SPEN: variants seen among roughly 807,000 people sequenced by gnomAD.
SPEN encodes msx2-interacting protein.
In SPEN, 18 loss-of-function variants were observed where a neutral mutation model predicts 269.9. The observed-to-expected ratio is 0.07, with a 90% CI of 0.05 to 0.10. The LOEUF (loss-of-function observed/expected upper bound fraction) is 0.10, where lower values mean the gene tolerates loss of function less well. Ranked by LOEUF, SPEN falls within the 10% of genes least tolerant of loss-of-function variation. The probability of loss-of-function intolerance (pLI) is 1.00; values close to 1 mark genes in which losing one functional copy is unlikely to be tolerated. For synonymous variants in SPEN, 1,726 were observed against 1,765.7 expected (o/e 0.98, Z 0.56); for missense variants, 3,822 against 4,631.2 (o/e 0.83, Z 5.07).
chr1:15,848,064 C>T lies in SPEN; in HGVS notation c.-4C>T. On this transcript the variant is annotated 5_prime_UTR_variant, in exon 1 of 15. An upstream open reading frame in the 5' UTR gains an earlier in-frame stop. Coordinates refer to ENST00000375759, the MANE Select transcript of SPEN (RefSeq NM_015001.3). The surrounding 1 kb of genome is among the most constrained non-coding windows in gnomAD (Gnocchi z 5.1). ...CAGCGGCGGTCGCCGGCACGCCGCC[C>T]AGCATGGTCCGGGAAACCAGGCATC... 3.5e-6 allele frequency: 5 copies of T among 1,448,610 alleles called. No individual in the cohort carries two copies. The highest frequency in any genetic ancestry group is 4.6e-6 in the Non-Finnish European group (5 of 1,086,744). 89.7% of individuals were successfully genotyped at this position (1,448,610 alleles called of 1,614,324 possible).
intron 1 of SPEN, among the ~76,000 whole-genome samples, chr1:15,871,709 A>T (rs150096510): frequency 6.6e-6 from 1 of 152,218 alleles, no homozygotes; most frequent in Non-Finnish European, 1.5e-5. Context: ...GTCACTTGCA[A>T]ATGGACACAA....
chr1:15,887,856 A>G (rs1444500362), intron 3 of SPEN, among the ~76,000 whole-genome samples: 1 of 150,784 alleles, frequency 6.6e-6, no homozygotes, highest in Non-Finnish European at 1.5e-5. Context: ...ACCAGTCTCT[A>G]CGAAAAAAAT....
At position 15,893,055 on chromosome 1, in the gene SPEN, G is replaced by A. The variant is rs191592321; in HGVS notation, c.882-16266G>A. Among the ~76,000 whole-genome samples, 986 of 152,244 alleles carry A rather than the reference G, an allele frequency of 6.5e-3. 8 individuals are homozygous for A. Among genetic ancestry groups the A allele is most frequent in the Middle Eastern group, 0.02 (6 of 294 alleles). ...GGAGGTTGCAGTGAGCTGAGATTGC[G>A]CCATTGCACTCCAGCCTGGGCAACA... is the stretch of plus-strand genomic sequence containing the variant. On this transcript the variant is annotated intron_variant, in intron 3 of 14. Transcript: ENST00000375759.
intron 3 of SPEN, among the ~76,000 whole-genome samples, chr1:15,903,774 C>G (rs1423956344): frequency 2.0e-5 from 3 of 152,198 alleles, no homozygotes; most frequent in African/African-American, 7.2e-5. Context: ...GGACTATGCA[C>G]TGTGCCCGGC....
At position 15,932,454 on chromosome 1, in the gene SPEN, A is replaced by C; in HGVS notation, c.6214A>C (p.Asn2072His). The change falls in exon 11 of 15, where the codon AAC (asparagine) becomes CAC (histidine). Residue 2072 changes from asparagine to histidine, a missense_variant. Transcript: ENST00000375759. The surrounding 1 kb of genome is among the most constrained non-coding windows in gnomAD (Gnocchi z 4.2). ...VVEKKPAPEKNSKSKRGRSRN... is the reference protein window; with the variant it reads ...VVEKKPAPEKHSKSKRGRSRN... ...AGAGAAAAAACCGGCCCCTGAAAAA[A>C]ACTCCAAATCAAAGAGAGGAAGATC... The C allele has an allele frequency of 6.2e-7, 1 of 1,612,974 alleles. No homozygotes were observed. The highest frequency in any genetic ancestry group is 8.5e-7 in the Non-Finnish European group (1 of 1,179,672).
chr1:15,855,227 A>AGATGCTGT (rs2070373776), intron 1 of SPEN, among the ~76,000 whole-genome samples: 1 of 152,170 alleles, frequency 6.6e-6, no homozygotes, highest in Non-Finnish European at 1.5e-5. Flanking sequence ...TCTTTGTATT[A>AGATGCTGT]GATGCTGTTT....
chr1:15,893,366 G>T (rs954664090), intron 3 of SPEN, among the ~76,000 whole-genome samples: 1 of 152,116 alleles, frequency 6.6e-6, no homozygotes, highest in Non-Finnish European at 1.5e-5. Flanking sequence ...TCCTGAATAT[G>T]CTGTGTCATG....
intron 1 of SPEN, among the ~76,000 whole-genome samples, 189 bp from the exon 2 acceptor site, chr1:15,872,627 A>G (rs1451713016): frequency 6.6e-6 from 1 of 151,984 alleles, no homozygotes; most frequent in African/African-American, 2.4e-5. Flanking sequence ...AAATGAGAGT[A>G]ATGTAATAAT....
In SPEN at chr1:15,937,675, G is replaced by A. The variant is rs1480335968; in HGVS notation, c.10509+30G>A. On this transcript the variant is annotated intron_variant, in intron 12 of 14. Transcript: ENST00000375759. This position sits in a 1 kb window ranked among gnomAD's most constrained non-coding sequence, Gnocchi z 5.7. ...GCATGAGCAGGGGCTGCCCTTCCTG[G>A]CCCCCAAGTTTTATGCCATGTCAAA... 14 of 1,607,204 alleles carry A rather than the reference G, an allele frequency of 8.7e-6. No individual in the cohort carries two copies. The highest frequency in any genetic ancestry group is 1.3e-5 in the African/African-American group (1 of 74,632).
At chr1:15,855,788 A>T (rs1191249889) in intron 1 of SPEN, among the ~76,000 whole-genome samples, 1 of 151,336 alleles carries the variant, frequency 6.6e-6, no homozygotes, top group Non-Finnish European at 1.5e-5. Context: ...GCTTGAACCC[A>T]GGAGGTGGAG....
In SPEN at chr1:15,939,467, C is replaced by T. The variant is rs1440707633; in HGVS notation, c.*40C>T. ...ATCACCTCAGTGAATCTTCCCAGGG[C>T]TCTGCAGTAAAAACAAAGGACAACC... On this transcript the variant is annotated 3_prime_UTR_variant, in exon 15 of 15. Transcript: ENST00000375759. This position sits in a 1 kb window ranked among gnomAD's most constrained non-coding sequence, Gnocchi z 4.1. 3.3e-6 allele frequency: 5 copies of T among 1,506,266 alleles called. No homozygotes were observed. Among genetic ancestry groups the T allele is most frequent in the Non-Finnish European group, 2.7e-6 (3 of 1,122,422 alleles). 93.3% of individuals were successfully genotyped at this position (1,506,266 alleles called of 1,614,324 possible).
chr1:15,911,501 A>G (rs1305776251), intron 5 of SPEN, among the ~76,000 whole-genome samples, 200 bp downstream of exon 5: 1 of 152,158 alleles, frequency 6.6e-6, no homozygotes, highest in East Asian at 1.9e-4. Context: ...GTTAGGGAGG[A>G]TAGATTTTTC....
chr1:15,893,743 C>A (rs1026821414), intron 3 of SPEN, among the ~76,000 whole-genome samples: 1 of 149,784 alleles, frequency 6.7e-6, no homozygotes, highest in Non-Finnish European at 1.5e-5. Flanking sequence ...TAAAAAAAAA[C>A]AAAAAAAAGC....
Position 15,932,308 on chromosome 1 carries a change from T to G in SPEN, c.6068T>G (p.Val2023Gly), listed in dbSNP as rs773205584. Reference sequence around the variant, plus strand: ...ACTGAGGTGGGCCCCCAAATAGGCGTGAAAGAGAGCTCCATGGAACCCAAG... The same window carrying G: ...ACTGAGGTGGGCCCCCAAATAGGCGGGAAAGAGAGCTCCATGGAACCCAAG... ...ATTEVGPQIG[V>G]KESSMEPKAA... Residue 2023 changes from valine (V) to glycine (G), a missense_variant, in exon 11 of 15, where the codon GTG (valine) becomes GGG (glycine). Transcript: ENST00000375759. The surrounding 1 kb of genome is among the most constrained non-coding windows in gnomAD (Gnocchi z 4.2). 1 of 1,608,854 alleles carries G rather than the reference T, an allele frequency of 6.2e-7. No homozygotes were observed. The highest frequency in any genetic ancestry group is 1.7e-5 in the Admixed American group (1 of 58,806).
chr1:15,851,905 C>T (rs1394049401), intron 1 of SPEN, among the ~76,000 whole-genome samples: 2 of 152,094 alleles, frequency 1.3e-5, no homozygotes, highest in Admixed American at 1.3e-4. Context: ...ATTGCTTGAA[C>T]CTGGGAGGCG....
intron 2 of SPEN, chr1:15,873,694 GAGAGAAGGCA>G: frequency 1.0e-6 from 1 of 1,000,032 alleles, no homozygotes; most frequent in Non-Finnish European, 1.2e-6. Context: ...GGATGAAGAA[GAGAGAAGGCA>G]ATGCCTGATT....
chr1:15,923,037 C>A (rs749363334), intron 10 of SPEN, among the ~76,000 whole-genome samples: 3 of 152,038 alleles, frequency 2.0e-5, no homozygotes, highest in Non-Finnish European at 4.4e-5. Flanking sequence ...TTAGTAATGA[C>A]AACAACCAGG....
chr1:15,879,775 A>G (rs778602243), intron 3 of SPEN, among the ~76,000 whole-genome samples: 1 of 151,540 alleles, frequency 6.6e-6, no homozygotes, highest in Non-Finnish European at 1.5e-5. Flanking sequence ...GGTTCACGCC[A>G]TTCTTCTGCC....
At position 15,847,859 on chromosome 1, in the gene SPEN, A is replaced by G. The variant is rs879015615; in HGVS notation, c.-209A>G. 7 of 266,532 alleles carry G rather than the reference A, an allele frequency of 2.6e-5. No homozygotes were observed. The South Asian group carries it at 5.9e-4, about 23-fold the overall frequency. 16.5% of individuals were successfully genotyped at this position (266,532 alleles called of 1,614,324 possible). ...TCGGCTTCGGGTGTGTGGTGGCGGC[A>G]GAGCTGAGCTGCGAGGCCCGAGAGT... On this transcript the variant is annotated 5_prime_UTR_variant, in exon 1 of 15. Transcript: ENST00000375759.
Sources: allele counts gnomAD v4.1 joint callset (sites outside exome capture counted in the v4.1 genomes callset), GRCh38; gene constraint gnomAD v4.1.1; non-coding constraint Gnocchi (gnomAD v3.1); transcripts MANE v1.5; gene names NCBI Gene and HGNC (gene_info 2026-07-23, HGNC 2026-07-21).